ODR4: variants seen among roughly 807,000 people sequenced by gnomAD.
The protein encoded by ODR4 is protein odr-4 homolog.
A neutral mutation model predicts 60.2 loss-of-function variants in ODR4; 47 were observed. That is an observed-to-expected ratio of 0.78 (90% CI 0.62 to 1.00). The LOEUF (loss-of-function observed/expected upper bound fraction) is 1.00, where lower values mean the gene tolerates loss of function less well. Ranked by LOEUF, ODR4 falls within the 50% of genes least tolerant of loss-of-function variation. The pLI, the probability that ODR4 is intolerant of heterozygous loss-of-function variation, is 0.00. For synonymous variants in ODR4, 178 were observed against 175.5 expected (o/e 1.01, Z -0.11); for missense variants, 488 against 530.8 (o/e 0.92, Z 0.79).
intron 12 of ODR4, among the ~76,000 whole-genome samples, chr1:186,413,679 T>C (rs568920616): frequency 2.6e-5 from 4 of 152,300 alleles, no homozygotes; most frequent in African/African-American, 9.6e-5. Context: ...TGGTTAAACA[T>C]TGACAATTAT....
Position 186,419,152 on chromosome 1 carries a change from C to G in ODR4, c.*76C>G. The stretch of plus-strand genomic sequence containing the variant: ...TATGAATAATAAAGATGTTAACAAT[C>G]CATCTGTATTTAAAACACTAGCAGC... On this transcript the variant is annotated 3_prime_UTR_variant, in exon 14 of 14. Coordinates refer to ENST00000287859, the MANE Select transcript of ODR4 (RefSeq NM_017847.6). 1 of 1,287,756 alleles carries G rather than the reference C, an allele frequency of 7.8e-7. No individual in the cohort carries two copies. The highest frequency in any genetic ancestry group is 1.3e-5 in the South Asian group (1 of 79,052). The allele number at this position is 1,287,756 out of a possible 1,614,324, so 79.8% of individuals were successfully genotyped here.
At chr1:186,412,554 C>G (rs1213825399) in intron 12 of ODR4, among the ~76,000 whole-genome samples, 1 of 151,954 alleles carries the variant, frequency 6.6e-6, no homozygotes, top group Non-Finnish European at 1.5e-5. Context: ...AACACATTCC[C>G]AAATAATAGA....
At chr1:186,378,384 A>T (rs1277543542) in intron 1 of ODR4, among the ~76,000 whole-genome samples, 2 of 152,184 alleles carry the variant, frequency 1.3e-5, no homozygotes, top group Admixed American at 1.3e-4. Context: ...GCTCTTTTGG[A>T]TATCATCTCT....
At position 186,386,043 on chromosome 1, in the gene ODR4, C is replaced by T. The variant is rs761479865; in HGVS notation, c.290C>T (p.Thr97Ile). The T allele has an allele frequency of 1.4e-5, 23 of 1,604,958 alleles. No individual in the cohort carries two copies. The highest frequency in any genetic ancestry group is 8.5e-7 in the Non-Finnish European group (1 of 1,175,004). ...LLVLGVFIIT[T>I]LELANDFQNA... is the part of the protein sequence containing the mutation. ...GTTCTTGGAGTATTTATTATTACTA[C>T]TTTAGAACTGGCAAATGATTTTCAA... Residue 97 changes from threonine (T) to isoleucine (I), a missense_variant, in exon 4 of 14, where the codon ACT becomes ATT. Thr to Ile is a moderately conservative substitution (Grantham distance 89, BLOSUM62 -1). Coordinates refer to ENST00000287859, the MANE Select transcript of ODR4 (RefSeq NM_017847.6).
At chr1:186,399,218 T>C in intron 11 of ODR4, 174 bp downstream of exon 11, 1 of 630,936 alleles carries the variant, frequency 1.6e-6, no homozygotes, top group South Asian at 1.5e-5. Context: ...TTTTTTTTTT[T>C]TTTTTAGACA....
In ODR4 at chr1:186,393,999, G is replaced by T; in HGVS notation, c.764G>T (p.Arg255Ile). The T allele has an allele frequency of 6.7e-7, 1 of 1,493,486 alleles. No individual in the cohort carries two copies. The highest frequency in any genetic ancestry group is 1.2e-5 in the South Asian group (1 of 81,800). The allele number at this position is 1,493,486 out of a possible 1,614,324, so 92.5% of individuals were successfully genotyped here. The stretch of plus-strand genomic sequence containing the variant: ...GCAACTAGTCATTCTTTTGATGTCA[G>T]AGTGCTAACGCAGTTGGTAAATATT... ...TQATSHSFDV[R>I]VLTQLLLNSD... is the part of the protein sequence containing the mutation. The change falls in exon 9 of 14, where the codon AGA becomes ATA. Residue 255 changes from arginine to isoleucine, a missense_variant. Coordinates refer to ENST00000287859, the MANE Select transcript of ODR4 (RefSeq NM_017847.6).
At chr1:186,426,712 T>C in the ODR4 span, among the ~76,000 whole-genome samples, 1 of 152,290 alleles carries the variant, frequency 6.6e-6, no homozygotes, top group South Asian at 2.1e-4. Context: ...AAAGAATTGA[T>C]GGCAGTCATT....
chr1:186,381,619 G>T (rs909365015), intron 2 of ODR4, among the ~76,000 whole-genome samples: 7 of 152,026 alleles, frequency 4.6e-5, no homozygotes, highest in Non-Finnish European at 2.9e-5. Context: ...GAGCCACCGC[G>T]CCCGGCCTAA....
intron 4 of ODR4, 147 bp downstream of exon 4, chr1:186,386,230 T>C: frequency 2.0e-6 from 1 of 497,686 alleles, no homozygotes; most frequent in South Asian, 3.6e-5. Context: ...CTTTTGTCAC[T>C]CAATTGCTTG....
At chr1:186,417,876 A>C (rs1000645098) in intron 13 of ODR4, among the ~76,000 whole-genome samples, 1 of 152,164 alleles carries the variant, frequency 6.6e-6, no homozygotes, top group Admixed American at 6.5e-5. Context: ...ATTAATTTTT[A>C]AAACGTTCTT....
chr1:186,398,934 T>C lies in ODR4; in HGVS notation c.910-20T>C. On this transcript the variant is annotated intron_variant, in intron 10 of 13. Transcript: ENST00000287859. Reference sequence around the variant, plus strand: ...AGTATTTTATTTCTTACTGTGTTTTTTGTGTGTTTTTCCCTGTAGGCAGTA... The same window carrying C: ...AGTATTTTATTTCTTACTGTGTTTTCTGTGTGTTTTTCCCTGTAGGCAGTA... 1 of 1,532,452 alleles carries C rather than the reference T, an allele frequency of 6.5e-7. No individual in the cohort carries two copies. Among genetic ancestry groups the C allele is most frequent in the Non-Finnish European group, 8.9e-7 (1 of 1,124,440 alleles). 94.9% of individuals were successfully genotyped at this position (1,532,452 alleles called of 1,614,324 possible).
intron 1 of ODR4, among the ~76,000 whole-genome samples, chr1:186,379,515 A>T (rs1056983894): frequency 5.3e-5 from 8 of 151,192 alleles, no homozygotes; most frequent in Non-Finnish European, 1.0e-4. Context: ...TATCCCAGGT[A>T]TGAGTAAAAG....
chr1:186,391,236 A>G (rs1660457111), intron 7 of ODR4, among the ~76,000 whole-genome samples: 1 of 151,770 alleles, frequency 6.6e-6, no homozygotes, highest in South Asian at 2.1e-4. Context: ...TTCTCTTAGT[A>G]CTTAGGTTTT....
chr1:186,410,469 T>C (rs903509111), intron 12 of ODR4, among the ~76,000 whole-genome samples: 3 of 152,166 alleles, frequency 2.0e-5, no homozygotes, highest in East Asian at 3.9e-4. Context: ...CAAGACAATA[T>C]AATAGATATG....
intron 12 of ODR4, among the ~76,000 whole-genome samples, chr1:186,407,854 C>G (rs1661227863): frequency 2.0e-5 from 3 of 152,016 alleles, no homozygotes; most frequent in Admixed American, 2.0e-4. Context: ...GGTTCAAAAC[C>G]TCTGGTGTCA....
intron 7 of ODR4, among the ~76,000 whole-genome samples, chr1:186,391,346 CT>C (rs34047963): frequency 0.98 from 137,394 of 140,272 alleles, 67,271 homozygotes; most frequent in East Asian, 0.99. Flanking sequence ...TCAAATAGAG[CT>C]TTTTTTTTTT....
intron 2 of ODR4, among the ~76,000 whole-genome samples, chr1:186,381,231 G>C (rs946150041): frequency 2.6e-5 from 4 of 152,202 alleles, no homozygotes; most frequent in Non-Finnish European, 5.9e-5. Context: ...CAGGGAGAAA[G>C]ACCCTCTTCT....
At chr1:186,423,615 C>T (rs1481200989), downstream of ODR4, among the ~76,000 whole-genome samples, 5 of 151,488 alleles carry the variant, frequency 3.3e-5, no homozygotes, top group Non-Finnish European at 7.4e-5. Flanking sequence ...CCACCACGCC[C>T]GGCTAATTTT....
At chr1:186,388,311 T>G (rs1470538427) in intron 4 of ODR4, 131 bp from the exon 5 acceptor site, 4 of 557,928 alleles carry the variant, frequency 7.2e-6, no homozygotes, top group Non-Finnish European at 9.2e-6. Context: ...GTGAGACCCC[T>G]TCTCCAATAA....
Sources: gnomAD v4.1 joint callset for allele counts (sites outside exome capture counted in the v4.1 genomes callset) on GRCh38, gnomAD v4.1.1 for gene constraint, MANE v1.5 for transcripts, NCBI Gene and HGNC (gene_info 2026-07-23, HGNC 2026-07-21) for gene names.